The following ME3 variants were observed in gnomAD, a reference collection of about 807,000 sequenced individuals.
ME3 encodes the protein NADP-dependent malic enzyme, mitochondrial.
A neutral mutation model predicts 68.9 loss-of-function variants in ME3; 48 were observed. The observed-to-expected ratio is 0.70, with a 90% CI of 0.55 to 0.89. The LOEUF (loss-of-function observed/expected upper bound fraction) is 0.89. Among genes scored for constraint, ME3 ranks in the 40% least tolerant of loss-of-function variants. The pLI is 0.00. For missense variants in ME3, 675 were observed against 797.4 expected (o/e 0.85, Z 1.85); for synonymous variants, 320 against 318.8 (o/e 1.00, Z -0.04).
intron 7 of ME3, 84 bp downstream of exon 7, chr11:86,487,253 G>T: frequency 1.7e-6 from 2 of 1,142,884 alleles, no homozygotes; most frequent in Non-Finnish European, 2.6e-6. Flanking sequence ...CCTTTACTTT[G>T]TATATCAGCC....
chr11:86,558,224 C>G (rs938325470), intron 3 of ME3, among the ~76,000 whole-genome samples: 1 of 152,164 alleles, frequency 6.6e-6, no homozygotes, highest in Admixed American at 6.5e-5. Context: ...TCACTTTGGA[C>G]TTGATTTCTT....
At chr11:86,599,419 C>A (rs576117929) in intron 2 of ME3, among the ~76,000 whole-genome samples, 324 of 152,204 alleles carry the variant, frequency 2.1e-3, no homozygotes, top group African/African-American at 7.6e-3. Context: ...TAAAAAGAAA[C>A]GAACAAAGCC....
Position 86,472,245 on chromosome 11 carries a change from A to G in ME3, c.810-7045T>C, listed in dbSNP as rs568615792. Among the ~76,000 whole-genome samples, 6 of 152,278 alleles carry G rather than the reference A, an allele frequency of 3.9e-5. 1 individual carries two copies. In the South Asian group the frequency reaches 1.2e-3, roughly 32 times the overall value. ...GGCTGAAGATGGGGAGGACATGGGGAGAAATGAGCCTTGGTGGAATGCAGG... is the reference window on the plus strand; with the variant it reads ...GGCTGAAGATGGGGAGGACATGGGGGGAAATGAGCCTTGGTGGAATGCAGG... On this transcript the variant is annotated intron_variant, in intron 7 of 14. Coordinates refer to ENST00000543262, the Ensembl canonical transcript of ME3.
intron 4 of ME3, among the ~76,000 whole-genome samples, chr11:86,519,615 A>G (rs1565890835): frequency 6.6e-6 from 1 of 152,226 alleles, no homozygotes; most frequent in Non-Finnish European, 1.5e-5. Context: ...CAACTCTAAC[A>G]AAGGCTCGCT....
intron 5 of ME3, among the ~76,000 whole-genome samples, chr11:86,507,520 C>A (rs530298139): frequency 1.3e-5 from 2 of 152,218 alleles, no homozygotes; most frequent in African/African-American, 4.8e-5. Context: ...TACCACCCAG[C>A]CAGTGGATGT....
intron 4 of ME3, among the ~76,000 whole-genome samples, chr11:86,539,449 G>C (rs139173695): frequency 6.6e-6 from 1 of 152,120 alleles, no homozygotes; most frequent in Non-Finnish European, 1.5e-5. Flanking sequence ...ATTGTTCTCA[G>C]TTGAGCTGTA....
At chr11:86,583,080 C>A (rs954681413) in intron 2 of ME3, among the ~76,000 whole-genome samples, 1 of 152,072 alleles carries the variant, frequency 6.6e-6, no homozygotes, top group African/African-American at 2.4e-5. Context: ...CCAAGGCTTA[C>A]AGATAAGGAT....
chr11:86,483,640 A>G (rs529624242), intron 7 of ME3, among the ~76,000 whole-genome samples: 56 of 152,284 alleles, frequency 3.7e-4, no homozygotes, highest in African/African-American at 1.3e-3. Context: ...AAAAAGGTTT[A>G]TTTATTATTT....
chr11:86,483,720 A>G (rs1202780457), intron 7 of ME3, among the ~76,000 whole-genome samples: 6 of 152,202 alleles, frequency 3.9e-5, no homozygotes, highest in Non-Finnish European at 8.8e-5. Flanking sequence ...CTAGGGAAGA[A>G]GCGGGTGATT....
chr11:86,560,748 G>GTATATATA (rs142056305), intron 2 of ME3, among the ~76,000 whole-genome samples: 1,551 of 62,448 alleles, frequency 0.025, 39 homozygotes, highest in Non-Finnish European at 0.036. Context: ...GTGTGTGTGT[G>GTATATATA]TATATATATA....
At chr11:86,597,680 C>G (rs1355087596) in intron 2 of ME3, among the ~76,000 whole-genome samples, 3 of 152,130 alleles carry the variant, frequency 2.0e-5, no homozygotes, top group Non-Finnish European at 4.4e-5. Context: ...GAGTCAAATT[C>G]TTTAAAATAT....
intron 2 of ME3, among the ~76,000 whole-genome samples, chr11:86,601,489 A>G (rs1229871490): frequency 6.6e-6 from 1 of 152,184 alleles, no homozygotes; most frequent in African/African-American, 2.4e-5. Context: ...AGAGTCCAGG[A>G]CCAGATGGAT....
At chr11:86,651,438 A>G (rs535797479) in intron 2 of ME3, among the ~76,000 whole-genome samples, 3 of 152,340 alleles carry the variant, frequency 2.0e-5, no homozygotes, top group Admixed American at 6.5e-5. Context: ...CTGTTCATCA[A>G]TATCCGCTGT....
chr11:86,625,297 G>A (rs753295050), intron 2 of ME3, among the ~76,000 whole-genome samples: 1 of 151,808 alleles, frequency 6.6e-6, no homozygotes, highest in Non-Finnish European at 1.5e-5. Flanking sequence ...TTGTTTCCAC[G>A]CAGCAAGATC....
intron 8 of ME3, chr11:86,457,883 A>G: frequency 9.6e-7 from 1 of 1,044,848 alleles, no homozygotes; most frequent in South Asian, 1.8e-5. Context: ...CATGCTGAAA[A>G]TGTAGTTTCT....
chr11:86,561,108 A>T (rs1340399911), intron 2 of ME3, among the ~76,000 whole-genome samples: 1 of 152,066 alleles, frequency 6.6e-6, no homozygotes, highest in Non-Finnish European at 1.5e-5. Context: ...AGGTTTCTCC[A>T]CTGTAAAGTT....
At chr11:86,467,699 A>ACG (rs1950560884) in intron 7 of ME3, among the ~76,000 whole-genome samples, 3 of 151,554 alleles carry the variant, frequency 2.0e-5, no homozygotes, top group African/African-American at 7.3e-5. Flanking sequence ...TCTCTCACAC[A>ACG]CACACACACA....
At chr11:86,452,527 A>G (rs575564776) in intron 8 of ME3, among the ~76,000 whole-genome samples, 2 of 152,210 alleles carry the variant, frequency 1.3e-5, no homozygotes, top group African/African-American at 2.4e-5. Context: ...GGGTCACTCT[A>G]CTGGGTAAAG....
chr11:86,537,669 C>A (rs185133762), intron 4 of ME3, among the ~76,000 whole-genome samples: 85 of 152,326 alleles, frequency 5.6e-4, no homozygotes, highest in African/African-American at 1.9e-3. Context: ...GTCAGGCTTG[C>A]TGAAGAGATC....
Sources: allele counts gnomAD v4.1 joint callset (sites outside exome capture counted in the v4.1 genomes callset), GRCh38; gene constraint gnomAD v4.1.1; transcripts MANE v1.5; gene names NCBI Gene and HGNC (gene_info 2026-07-23, HGNC 2026-07-21).